UBE2W: variants seen among roughly 807,000 people sequenced by gnomAD.
UBE2W encodes ubiquitin-conjugating enzyme E2 W.
In UBE2W, 18 loss-of-function variants were observed where a neutral mutation model predicts 27.2. The observed-to-expected ratio is 0.66, with a 90% CI of 0.46 to 0.98. UBE2W has a LOEUF of 0.98. UBE2W is among the 50% of genes least tolerant of loss of function. UBE2W has a pLI of 0.00. For synonymous variants in UBE2W, 53 were observed against 57.2 expected, an observed-to-expected ratio of 0.93 and a Z score of 0.33; for missense variants, 90 against 180.2, an observed-to-expected ratio of 0.50 and a Z score of 2.87.
chr8:73,795,927 C>T (rs1808392428), intron 5 of UBE2W: 1 of 206,242 alleles, frequency 4.8e-6, no homozygotes, highest in Non-Finnish European at 8.5e-6. Context: ...ACAAAAAATA[C>T]AAAAATTAGC....
chr8:73,870,956 G>A (rs542638320), intron 1 of UBE2W, among the ~76,000 whole-genome samples: 35 of 152,118 alleles, frequency 2.3e-4, no homozygotes, highest in Non-Finnish European at 4.0e-4. Flanking sequence ...GAGTACCTGG[G>A]AGAGGTTAAG....
chr8:73,787,279 T>TATA lies in UBE2W; in HGVS notation c.*6822_*6823insTAT. ...TCTCACTTGCTTCTTCAATTTAGCTTATGTTTAATTTTGTTACGTGTTATG... is the reference window on the plus strand; with the variant it reads ...TCTCACTTGCTTCTTCAATTTAGCTTATAATGTTTAATTTTGTTACGTGTTATG... On this transcript the variant is annotated 3_prime_UTR_variant, in exon 6 of 6. Transcript: ENST00000602593. The TATA allele has an allele frequency of 2.0e-6, 2 of 985,454 alleles. No individual in the cohort carries two copies. Among genetic ancestry groups the TATA allele is most frequent in the Non-Finnish European group, 2.4e-6 (2 of 829,934 alleles). 61.0% of individuals were successfully genotyped at this position (985,454 alleles called of 1,614,324 possible).
rs2130840610 is a variant in UBE2W at position 73,792,307 on chromosome 8, A to G, written c.*1795T>C. On this transcript the variant is annotated 3_prime_UTR_variant, in exon 6 of 6. Coordinates refer to ENST00000602593, the MANE Select transcript of UBE2W (RefSeq NM_018299.6). ...AAAGTGGTAATTGTTAACTAGCAGT[A>G]TATAAACAGTGTCCACAATTTGGTG... 1.0e-6 allele frequency: 1 copy of G among 985,358 alleles called. No individual in the cohort carries two copies. The highest frequency in any genetic ancestry group is 1.1e-4 in the East Asian group (1 of 8,814). The allele number at this position is 985,358 out of a possible 1,614,324, so 61.0% of individuals were successfully genotyped here. A position where few individuals can be genotyped will look rare whatever the true frequency, so the allele number is the denominator to read the frequency against.
At chr8:73,810,388 C>T in intron 4 of UBE2W, 86 bp downstream of exon 4, 2 of 1,288,268 alleles carry the variant, frequency 1.6e-6, no homozygotes, top group South Asian at 1.5e-5. Flanking sequence ...ATCCTTCCTC[C>T]AAATAAAAAT....
intron 1 of UBE2W, among the ~76,000 whole-genome samples, chr8:73,837,677 T>A (rs1810365100): frequency 6.6e-6 from 1 of 152,240 alleles, no homozygotes; most frequent in African/African-American, 2.4e-5. Flanking sequence ...TGGTCTCAAG[T>A]GATCCTCCCA....
Position 73,788,457 on chromosome 8 carries a change from TG to T in UBE2W, c.*5644del. 2.0e-6 allele frequency: 2 copies of T among 985,478 alleles called. No individual in the cohort carries two copies. Among genetic ancestry groups the T allele is most frequent in the Non-Finnish European group, 2.4e-6 (2 of 829,946 alleles). The allele number at this position is 985,478 out of a possible 1,614,324, so 61.0% of individuals were successfully genotyped here. ...TTGACCTGAACATGCATTTAGTTTT[TG>T]GCTACTAATCAACCCAATAATCCAT... On this transcript the variant is annotated 3_prime_UTR_variant, in exon 6 of 6. Transcript: ENST00000602593.
chr8:73,827,210 G>A (rs7831254), intron 2 of UBE2W, among the ~76,000 whole-genome samples: 37,471 of 152,056 alleles, frequency 0.25, 7,855 homozygotes, highest in African/African-American at 0.58. Context: ...AACATGGTGC[G>A]TGGTACTTTC....
At chr8:73,794,173 A>G (rs1808319155) in intron 5 of UBE2W, 58 bp from the exon 6 acceptor site, 1 of 1,582,876 alleles carries the variant, frequency 6.3e-7, no homozygotes, top group African/African-American at 1.3e-5. Context: ...AGTAAATTCT[A>G]CAAGTCTGTT....
chr8:73,836,012 A>C (rs1810296207), intron 1 of UBE2W, among the ~76,000 whole-genome samples: 1 of 152,160 alleles, frequency 6.6e-6, no homozygotes, highest in Non-Finnish European at 1.5e-5. Flanking sequence ...TCAAACAACT[A>C]TGCCTCTGAT....
exon 5 of UBE2W, chr8:73,780,359 T>C (rs1267212816): frequency 2.8e-6 from 1 of 361,680 alleles, no homozygotes; most frequent in African/African-American, 2.1e-5. Context: ...TAAGGCCACA[T>C]TCTACTTCGG....
At chr8:73,844,688 G>T (rs1001185366) in intron 1 of UBE2W, among the ~76,000 whole-genome samples, 2 of 151,296 alleles carry the variant, frequency 1.3e-5, no homozygotes, top group Non-Finnish European at 2.9e-5. Flanking sequence ...CCGTCATCTC[G>T]TCTAGGAAGT....
At chr8:73,803,457 C>T (rs984561669) in intron 5 of UBE2W, among the ~76,000 whole-genome samples, 1 of 152,144 alleles carries the variant, frequency 6.6e-6, no homozygotes, top group Non-Finnish European at 1.5e-5. Context: ...TTTTAGTGTC[C>T]TGTCTGGTAG....
At chr8:73,842,269 C>T (rs1172048015) in intron 1 of UBE2W, among the ~76,000 whole-genome samples, 7 of 152,056 alleles carry the variant, frequency 4.6e-5, no homozygotes, top group East Asian at 1.9e-4. Context: ...TGGCTCACAC[C>T]TGTAATTCCA....
At chr8:73,823,421 C>CT (rs1809704524) in intron 3 of UBE2W, among the ~76,000 whole-genome samples, 1 of 152,160 alleles carries the variant, frequency 6.6e-6, no homozygotes, top group South Asian at 2.1e-4. Context: ...CAGAGTAAGC[C>CT]TTCCCCCAAT....
At chr8:73,802,402 T>C (rs967050955) in intron 5 of UBE2W, among the ~76,000 whole-genome samples, 3 of 152,236 alleles carry the variant, frequency 2.0e-5, no homozygotes, top group Non-Finnish European at 4.4e-5. Flanking sequence ...TCATAAACGG[T>C]TTATTTTTAA....
intron 4 of UBE2W, among the ~76,000 whole-genome samples, chr8:73,809,065 G>T (rs1809039866): frequency 6.6e-6 from 1 of 152,074 alleles, no homozygotes; most frequent in South Asian, 2.1e-4. Context: ...AAGCGTAACA[G>T]GAACATAGAA....
At chr8:73,855,442 CCCA>C (rs1004297117) in intron 1 of UBE2W, among the ~76,000 whole-genome samples, 3 of 143,080 alleles carry the variant, frequency 2.1e-5, no homozygotes, top group African/African-American at 8.0e-5. Context: ...CACTCTGTCA[CCCA>C]TGCTGGAGTG....
At chr8:73,866,290 A>AAAATAT (rs1248216873) in intron 1 of UBE2W, among the ~76,000 whole-genome samples, 6 of 43,088 alleles carry the variant, frequency 1.4e-4, no homozygotes, top group East Asian at 1.2e-3. Flanking sequence ...AAAAAAAAAA[A>AAAATAT]ATATATATAT....
chr8:73,842,777 C>T (rs1810600376), intron 1 of UBE2W, among the ~76,000 whole-genome samples: 1 of 151,904 alleles, frequency 6.6e-6, no homozygotes, highest in Non-Finnish European at 1.5e-5. Context: ...GCACTACATG[C>T]CTTTATATTA....
Sources: allele counts gnomAD v4.1 joint callset (sites outside exome capture counted in the v4.1 genomes callset), GRCh38; gene constraint gnomAD v4.1.1; transcripts MANE v1.5; gene names NCBI Gene and HGNC (gene_info 2026-07-23, HGNC 2026-07-21).